Variants in CAAP1 observed in about 807,000 individuals in gnomAD.
The protein encoded by CAAP1 is caspase activity and apoptosis inhibitor 1.
A neutral mutation model predicts 34.0 loss-of-function variants in CAAP1; 20 were observed. The ratio of observed to expected loss-of-function variants is 0.59; its 90% CI spans 0.41 to 0.86. The LOEUF (loss-of-function observed/expected upper bound fraction) is 0.86. Among genes scored for constraint, CAAP1 ranks in the 40% least tolerant of loss-of-function variants. CAAP1 has a pLI of 0.00. For synonymous variants in CAAP1, 213 were observed against 166.7 expected (o/e 1.28, Z -2.14); for missense variants, 538 against 450.5 (o/e 1.19, Z -1.76).
chr9:26,859,730 G>A (rs780519176), intron 5 of CAAP1, among the ~76,000 whole-genome samples: 22 of 152,118 alleles, frequency 1.4e-4, no homozygotes, highest in Non-Finnish European at 4.4e-5. Context: ...TGAGTTTATG[G>A]CGGTGCTCAG....
At chr9:26,855,499 T>C (rs1822849268) in intron 5 of CAAP1, among the ~76,000 whole-genome samples, 1 of 152,204 alleles carries the variant, frequency 6.6e-6, no homozygotes, top group Admixed American at 6.5e-5. Flanking sequence ...AATAATAATG[T>C]ACAAATTGGT....
chr9:26,852,299 C>T (rs902333504), intron 5 of CAAP1, among the ~76,000 whole-genome samples: 2 of 151,950 alleles, frequency 1.3e-5, no homozygotes, highest in African/African-American at 4.8e-5. Flanking sequence ...ATTAAAAATA[C>T]AAAAAATTAG....
At position 26,886,107 on chromosome 9, in the gene CAAP1, C is replaced by T; in HGVS notation, c.586G>A (p.Glu196Lys). 6.5e-7 allele frequency: 1 copy of T among 1,528,660 alleles called. No individual in the cohort carries two copies. Among genetic ancestry groups the T allele is most frequent in the South Asian group, 1.3e-5 (1 of 76,966 alleles). 94.7% of individuals were successfully genotyped at this position (1,528,660 alleles called of 1,614,324 possible). A position where few individuals can be genotyped will look rare whatever the true frequency, so the allele number is the denominator to read the frequency against. ...ATGTAAAAATATGTATTCTTACCCT[C>T]AAGAATCTTCAAAATTTTTTTTTCA... is the stretch of plus-strand genomic sequence containing the variant. ...LSEKKILKIL[E>K]GDNGMDSDME... Residue 196 changes from glutamate to lysine, a missense_variant, in exon 3 of 6, where the codon GAG becomes AAG. Physicochemically the swap from Glu to Lys is moderately conservative, Grantham distance 56 (BLOSUM62 1). Coordinates refer to ENST00000333916, the MANE Select transcript of CAAP1 (RefSeq NM_024828.4).
chr9:26,849,974 G>T lies in CAAP1; in HGVS notation c.740-7327C>A, dbSNP rs1587090277. 2.0e-5 allele frequency among the ~76,000 whole-genome samples: 3 copies of T among 151,964 alleles called. No homozygotes were observed. The East Asian group carries it at 5.8e-4, about 29-fold the overall frequency. On this transcript the variant is annotated intron_variant, in intron 5 of 5. Coordinates refer to ENST00000333916, the MANE Select transcript of CAAP1 (RefSeq NM_024828.4). ...CTGCCTCAGCCTCGCGAGTAGCTGG[G>T]ACTACAGACACCCGCCACCAAACCC...
intron 5 of CAAP1, among the ~76,000 whole-genome samples, chr9:26,849,342 G>A (rs995164609): frequency 5.3e-5 from 8 of 152,116 alleles, no homozygotes; most frequent in African/African-American, 1.9e-4. Context: ...TCTCTCAAGT[G>A]CCCTAAATGG....
At chr9:26,847,305 C>T (rs1310873312) in intron 5 of CAAP1, among the ~76,000 whole-genome samples, 1 of 141,622 alleles carries the variant, frequency 7.1e-6, no homozygotes. Context: ...AGCTCCACCT[C>T]CCGGGTTCAC....
intron 4 of CAAP1, among the ~76,000 whole-genome samples, chr9:26,870,547 T>C (rs998499484): frequency 4.3e-5 from 6 of 140,454 alleles, no homozygotes; most frequent in East Asian, 2.5e-4. Flanking sequence ...TATAGACACA[T>C]ACACACACAC....
chr9:26,849,745 T>C (rs1476987020), intron 5 of CAAP1, among the ~76,000 whole-genome samples: 1 of 152,226 alleles, frequency 6.6e-6, no homozygotes, highest in Non-Finnish European at 1.5e-5. Context: ...GTACTAGCAG[T>C]GCCTTTGTAG....
chr9:26,849,006 G>A (rs551846748), intron 5 of CAAP1, among the ~76,000 whole-genome samples: 1 of 152,306 alleles, frequency 6.6e-6, no homozygotes, highest in South Asian at 2.1e-4. Context: ...ACTAAGCCTA[G>A]ATGGATTCGT....
intron 4 of CAAP1, among the ~76,000 whole-genome samples, chr9:26,868,924 C>T (rs1270202137): frequency 1.3e-5 from 2 of 152,092 alleles, no homozygotes; most frequent in Non-Finnish European, 1.5e-5. Context: ...TACGGAACAT[C>T]CGGGAAAATC....
In CAAP1 at chr9:26,892,737, G is replaced by A. The variant is rs749435158; in HGVS notation, c.-22C>T. The A allele has an allele frequency of 2.0e-4, 316 of 1,559,770 alleles. No homozygotes were observed. Among genetic ancestry groups the A allele is most frequent in the Non-Finnish European group, 2.7e-4 (309 of 1,157,392 alleles). On this transcript the variant is annotated 5_prime_UTR_variant, in exon 1 of 6. Coordinates refer to ENST00000333916, the MANE Select transcript of CAAP1 (RefSeq NM_024828.4). Reference sequence around the variant, plus strand: ...TCATGATCCCTCTGCTGCAACCATCGGAGGAAAGTCCGCTGTCTCTGGTGC... The same window carrying A: ...TCATGATCCCTCTGCTGCAACCATCAGAGGAAAGTCCGCTGTCTCTGGTGC...
intron 1 of CAAP1, among the ~76,000 whole-genome samples, chr9:26,889,513 G>C (rs1279471428): frequency 6.6e-6 from 1 of 152,078 alleles, no homozygotes; most frequent in African/African-American, 2.4e-5. Context: ...TGAAATGGGT[G>C]AATTGCACAG....
At chr9:26,881,428 A>T (rs1442998045) in intron 4 of CAAP1, among the ~76,000 whole-genome samples, 1 of 152,230 alleles carries the variant, frequency 6.6e-6, no homozygotes, top group African/African-American at 2.4e-5. Flanking sequence ...TCACTGAATC[A>T]TGGGGGCAGT....
chr9:26,876,266 C>T (rs190189665), intron 4 of CAAP1, among the ~76,000 whole-genome samples: 114 of 152,234 alleles, frequency 7.5e-4, no homozygotes, highest in Non-Finnish European at 1.2e-3. Context: ...TCTTATCTCC[C>T]TCTTATAAGG....
rs552163940 is a variant in CAAP1, at chr9:26,882,931, T to C, written c.665+1879A>G. Among the ~76,000 whole-genome samples, 10 of 152,274 alleles carry C rather than the reference T, an allele frequency of 6.6e-5. 1 individual carries two copies. The East Asian group carries it at 1.4e-3, about 21-fold the overall frequency. Reference sequence around the variant, plus strand: ...GGATTTCAGACTTGCATGGGGCCTGTAGCTCCTTCATTTTGGCCAATTTCT... The same window carrying C: ...GGATTTCAGACTTGCATGGGGCCTGCAGCTCCTTCATTTTGGCCAATTTCT... On this transcript the variant is annotated intron_variant, in intron 4 of 5. Transcript: ENST00000333916.
rs1312314107 is a variant in CAAP1 at position 26,892,490 on chromosome 9, C to A, written c.226G>T (p.Gly76Trp). The change falls in exon 1 of 6, where the codon GGG (glycine) becomes TGG (tryptophan). Residue 76 changes from glycine (G) to tryptophan (W), a missense_variant. Around this residue, in one of 3 missense-constraint regions of CAAP1, gnomAD observed 514 missense variants for 408.4 expected, o/e 1.26. Transcript: ENST00000333916. ...GGGSGGSCWG[G>W]SSVERSERRK... ...CGCTCGCTGCGCTCCACGCTGCTCCCGCCCCAACAGCTGCCGCCGCTCCCA... is the reference window on the plus strand; with the variant it reads ...CGCTCGCTGCGCTCCACGCTGCTCCAGCCCCAACAGCTGCCGCCGCTCCCA... 1.3e-6 allele frequency: 2 copies of A among 1,567,476 alleles called. No individual in the cohort carries two copies. The highest frequency in any genetic ancestry group is 3.7e-5 in the Admixed American group (2 of 53,604).
chr9:26,859,821 A>T (rs1822965192), intron 5 of CAAP1, among the ~76,000 whole-genome samples: 1 of 152,226 alleles, frequency 6.6e-6, no homozygotes, highest in South Asian at 2.1e-4. Context: ...AGCAATGGGA[A>T]TTTTTGAAAC....
Position 26,871,599 on chromosome 9 carries a change from G to A in CAAP1, c.666-10460C>T, listed in dbSNP as rs185611127. 1.5e-3 allele frequency among the ~76,000 whole-genome samples: 218 copies of A among 148,880 alleles called. 1 individual carries two copies. The highest frequency in any genetic ancestry group is 5.4e-3 in the African/African-American group (215 of 39,848). On this transcript the variant is annotated intron_variant, in intron 4 of 5. Transcript: ENST00000333916. ...CTTTAAAAAAAAAAAAAAAAAGATG[G>A]TGAGTAGCTGTGTTATAATAGCTCA...
intron 5 of CAAP1, among the ~76,000 whole-genome samples, chr9:26,843,437 A>G (rs1191627259): frequency 2.6e-5 from 4 of 152,126 alleles, no homozygotes; most frequent in Non-Finnish European, 5.9e-5. Context: ...TTTATCTTTT[A>G]AATATTGAAT....
Sources: gnomAD v4.1 joint callset for allele counts (sites outside exome capture counted in the v4.1 genomes callset) on GRCh38, gnomAD v4.1.1 for gene constraint, gnomAD v4.1.1 regional missense constraint, MANE v1.5 for transcripts, NCBI Gene and HGNC (gene_info 2026-07-23, HGNC 2026-07-21) for gene names.